The following PLEKHG2 variants were observed in gnomAD, a reference collection of about 807,000 sequenced individuals.
The protein encoded by PLEKHG2 is pleckstrin homology and RhoGEF domain containing G2.
A neutral mutation model predicts 104.4 loss-of-function variants in PLEKHG2; 71 were observed. That is an observed-to-expected ratio of 0.68 (90% CI 0.56 to 0.83). PLEKHG2 has a LOEUF of 0.83. Ranked by LOEUF, PLEKHG2 falls within the 40% of genes least tolerant of loss-of-function variation. The probability of loss-of-function intolerance (pLI) is 0.00; values close to 1 mark genes in which losing one functional copy is unlikely to be tolerated. For missense variants in PLEKHG2, 1,730 were observed against 1,809.4 expected, an observed-to-expected ratio of 0.96 and a Z score of 0.80; for synonymous variants, 728 against 737.0, an observed-to-expected ratio of 0.99 and a Z score of 0.20.
intron 14 of PLEKHG2, 35 bp from the exon 15 acceptor site, chr19:39,421,040 G>A (rs754397480): frequency 9.3e-6 from 15 of 1,613,986 alleles, no homozygotes; most frequent in Non-Finnish European, 1.3e-5. Context: ...CGGGGTGGGA[G>A]CTGGGCTCCT....
At chr19:39,417,130 T>C in intron 7 of PLEKHG2, 130 bp downstream of exon 7, 2 of 1,107,388 alleles carry the variant, frequency 1.8e-6, no homozygotes, top group South Asian at 3.3e-5. Flanking sequence ...ATTACAGGCG[T>C]GAGCCACCGC....
chr19:39,425,451 G>C lies in PLEKHG2; in HGVS notation c.*157G>C. 4.3e-6 allele frequency: 5 copies of C among 1,175,716 alleles called. No homozygotes were observed. In the South Asian group the frequency reaches 5.3e-5, roughly 12 times the overall value. The allele number at this position is 1,175,716 out of a possible 1,614,324, so 72.8% of individuals were successfully genotyped here. A position where few individuals can be genotyped will look rare whatever the true frequency, so the allele number is the denominator to read the frequency against. ...ATCGGCGAATGGCCCTTCTTGCCTT[G>C]ATCCACAGGGATGGGGAAGGGAGGA... is the stretch of plus-strand genomic sequence containing the variant. On this transcript the variant is annotated 3_prime_UTR_variant, in exon 19 of 19. Transcript: ENST00000425673.
intron 11 of PLEKHG2, among the ~76,000 whole-genome samples, chr19:39,420,001 C>T (rs193142308): frequency 7.9e-5 from 12 of 152,114 alleles, no homozygotes; most frequent in South Asian, 4.1e-4. Flanking sequence ...TGCGGTGAGC[C>T]GAGATCATGC....
rs1279807695 is a variant in PLEKHG2, at chr19:39,421,280, T to C, written c.1487-3T>C. On this transcript the variant is annotated splice_region_variant and splice_polypyrimidine_tract_variant and intron_variant, in intron 15 of 18. Transcript: ENST00000425673. ...TCTCTCTCTCTCATCTCTCCATCCT[T>C]AGCTAAGCCTGGATTCAAGGTAAGA... is the stretch of plus-strand genomic sequence containing the variant. The C allele has an allele frequency of 6.2e-7, 1 of 1,613,692 alleles. No homozygotes were observed. Among genetic ancestry groups the C allele is most frequent in the African/African-American group, 1.3e-5 (1 of 74,900 alleles).
rs576060981 is a variant in PLEKHG2 at position 39,414,128 on chromosome 19, C to T, written c.42C>T (p.Ser14=). 5 of 1,551,604 alleles carry T rather than the reference C, an allele frequency of 3.2e-6. No homozygotes were observed. The highest frequency in any genetic ancestry group is 4.4e-6 in the Non-Finnish European group (5 of 1,146,930). The change falls in exon 2 of 19, where the codon AGC becomes AGT. Residue 14 remains serine, a synonymous_variant. Transcript: ENST00000425673. The stretch of plus-strand genomic sequence containing the variant: ...AAGGACTGAGCCTCTCCAAACCTAG[C>T]CCAAGCCTCGGGTGTGGCCGAAGAG... ...GAQGLSLSKP[S]PSLGCGRRGE...
chr19:39,425,270 T>G lies in PLEKHG2; in HGVS notation c.4137T>G (p.Ala1379=), dbSNP rs777542937. Residue 1379 remains alanine (A), a synonymous_variant, in exon 19 of 19, where the codon GCT becomes GCG. Coordinates refer to ENST00000425673, the MANE Select transcript of PLEKHG2 (RefSeq NM_022835.3). The part of the protein sequence containing the change: ...ESMGLHRAQG[A]PDAPFHM The stretch of plus-strand genomic sequence containing the variant: ...TGGGCCTTCACAGGGCCCAGGGGGC[T>G]CCTGATGCCCCCTTCCACATGTGAG... The G allele has an allele frequency of 8.7e-6, 14 of 1,612,122 alleles. No homozygotes were observed. The highest frequency in any genetic ancestry group is 8.5e-7 in the Non-Finnish European group (1 of 1,179,492).
At chr19:39,417,344 G>T (rs948809592) in intron 7 of PLEKHG2, among the ~76,000 whole-genome samples, 6 of 151,818 alleles carry the variant, frequency 4.0e-5, no homozygotes, top group Non-Finnish European at 8.8e-5. Context: ...ATAGGGACGG[G>T]GTTTCACTAC....
chr19:39,418,813 G>A lies in PLEKHG2; in HGVS notation c.1163G>A (p.Arg388Lys). 2 of 1,609,804 alleles carry A rather than the reference G, an allele frequency of 1.2e-6. No homozygotes were observed. The highest frequency in any genetic ancestry group is 2.2e-5 in the South Asian group (2 of 90,942). Reference protein sequence around the residue: ...KVSDLTIPKHRHLLQAKNQEE... With the variant: ...KVSDLTIPKHKHLLQAKNQEE... ...TCTGATCTGACCATTCCCAAGCACA[G>A]ACACCTGCTCCAGGTGAGCATGTAG... Residue 388 changes from arginine to lysine, a missense_variant, in exon 10 of 19, where the codon AGA (arginine) becomes AAA (lysine). Arg to Lys is a conservative substitution (Grantham distance 26). Transcript: ENST00000425673.
Position 39,418,080 on chromosome 19 carries a change from A to C in PLEKHG2, c.1058A>C (p.Glu353Ala). 6.6e-7 allele frequency: 1 copy of C among 1,523,824 alleles called. No individual in the cohort carries two copies. Among genetic ancestry groups the C allele is most frequent in the Non-Finnish European group, 8.8e-7 (1 of 1,137,196 alleles). The allele number at this position is 1,523,824 out of a possible 1,614,324, so 94.4% of individuals were successfully genotyped here. A position where few individuals can be genotyped will look rare whatever the true frequency, so the allele number is the denominator to read the frequency against. Reference sequence around the variant, plus strand: ...CTGGTGGCCAAGCGCAGGGGGCTGGAGTACACCTACAAAGGCCACATCTTC... The same window carrying C: ...CTGGTGGCCAAGCGCAGGGGGCTGGCGTACACCTACAAAGGCCACATCTTC... ...MLLVAKRRGLEYTYKGHIFCC... is the reference protein window; with the variant it reads ...MLLVAKRRGLAYTYKGHIFCC... The change falls in exon 9 of 19, where the codon GAG becomes GCG. Residue 353 changes from glutamate (E) to alanine (A), a missense_variant. Physicochemically the swap from Glu to Ala is moderately radical, Grantham distance 107. Transcript: ENST00000425673.
Position 39,421,974 on chromosome 19 carries a change from G to A in PLEKHG2, c.1504-141G>A, listed in dbSNP as rs555013208. Reference sequence around the variant, plus strand: ...GGAGATTGCAGTGAGCAGAGATGGCGCCATTGCACTGCAGGCTGGGCGACA... The same window carrying A: ...GGAGATTGCAGTGAGCAGAGATGGCACCATTGCACTGCAGGCTGGGCGACA... On this transcript the variant is annotated intron_variant, in intron 16 of 18. Transcript: ENST00000425673. 8.4e-5 allele frequency: 68 copies of A among 808,302 alleles called. No individual in the cohort carries two copies. The African/African-American group carries it at 1.0e-3, about 12-fold the overall frequency. The allele number at this position is 808,302 out of a possible 1,614,324, so 50.1% of individuals were successfully genotyped here. A position where few individuals can be genotyped will look rare whatever the true frequency, so the allele number is the denominator to read the frequency against.
chr19:39,417,060 G>T, intron 7 of PLEKHG2, 60 bp downstream of exon 7: 1 of 1,516,512 alleles, frequency 6.6e-7, no homozygotes, highest in Non-Finnish European at 8.8e-7. Flanking sequence ...TTGACCACCT[G>T]TTGGTTCATC....
chr19:39,414,327 A>G (rs914173628), intron 2 of PLEKHG2, 132 bp downstream of exon 2: 1 of 916,594 alleles, frequency 1.1e-6, no homozygotes. Context: ...AGGCGGGCCC[A>G]TCCCCAGGCA....
chr19:39,415,575 C>A lies in PLEKHG2; in HGVS notation c.479+136C>A. ...GACATTGGGCAAGGATCAGGGATCACGACTGGGAGGGAGGACCCCGAGTGA... is the reference window on the plus strand; with the variant it reads ...GACATTGGGCAAGGATCAGGGATCAAGACTGGGAGGGAGGACCCCGAGTGA... On this transcript the variant is annotated intron_variant, in intron 4 of 18. Coordinates refer to ENST00000425673, the MANE Select transcript of PLEKHG2 (RefSeq NM_022835.3). The surrounding 1 kb of genome is among the most constrained non-coding windows in gnomAD (Gnocchi z 4.6). 2.0e-6 allele frequency: 2 copies of A among 1,008,898 alleles called. No individual in the cohort carries two copies. Among genetic ancestry groups the A allele is most frequent in the Non-Finnish European group, 2.9e-6 (2 of 688,310 alleles). 62.5% of individuals were successfully genotyped at this position (1,008,898 alleles called of 1,614,324 possible).
In PLEKHG2 at chr19:39,424,966, C is replaced by G. The variant is rs1335171353; in HGVS notation, c.3833C>G (p.Ser1278Cys). ...CTGGGCCCCAATGCAGCTGCCCTCT[C>G]CAGATACCTGGCAGCCTCATATATC... Reference protein sequence around the residue: ...QLLGPNAAALSRYLAASYISQ... With the variant: ...QLLGPNAAALCRYLAASYISQ... The change falls in exon 19 of 19, where the codon TCC (serine) becomes TGC (cysteine). Residue 1278 changes from serine (S) to cysteine (C), a missense_variant. Coordinates refer to ENST00000425673, the MANE Select transcript of PLEKHG2 (RefSeq NM_022835.3). 1.9e-6 allele frequency: 3 copies of G among 1,613,936 alleles called. No individual in the cohort carries two copies. Among genetic ancestry groups the G allele is most frequent in the Non-Finnish European group, 2.5e-6 (3 of 1,179,952 alleles).
chr19:39,422,812 G>C lies in PLEKHG2; in HGVS notation c.1758G>C (p.Leu586=), dbSNP rs1320721651. Residue 586 remains leucine (L), a synonymous_variant, in exon 18 of 19, where the codon CTG becomes CTC. Transcript: ENST00000425673. The part of the protein sequence containing the change: ...GDSETLTFQA[L]PSRDSSEEEE... Reference sequence around the variant, plus strand: ...GCGAAACCCTCACATTCCAAGCCCTGCCCAGCCGGGACTCTTCAGAAGAGG... The same window carrying C: ...GCGAAACCCTCACATTCCAAGCCCTCCCCAGCCGGGACTCTTCAGAAGAGG... 1 of 1,541,894 alleles carries C rather than the reference G, an allele frequency of 6.5e-7. No homozygotes were observed. Among genetic ancestry groups the C allele is most frequent in the Admixed American group, 2.0e-5 (1 of 49,596 alleles).
Position 39,417,001 on chromosome 19 carries a change from G to A in PLEKHG2, c.744+1G>A. On this transcript the variant is annotated splice_donor_variant, in intron 7 of 18. Transcript: ENST00000425673. LOFTEE classifies it high-confidence loss of function. ...TCTCAAGTACCATCTGCTGCTGCAG[G>A]TCAGCTGGGGCCCCTGGAGCCAGGC... The A allele has an allele frequency of 6.2e-7, 1 of 1,600,194 alleles. No homozygotes were observed. The highest frequency in any genetic ancestry group is 8.5e-7 in the Non-Finnish European group (1 of 1,171,068).
chr19:39,420,360 CAA>C (rs35833915), intron 11 of PLEKHG2, among the ~76,000 whole-genome samples: 4 of 122,426 alleles, frequency 3.3e-5, no homozygotes, highest in African/African-American at 3.0e-5. Context: ...ATCTCCGTCT[CAA>C]AAAAAAAAAA....
chr19:39,421,456 C>T (rs1361293186), intron 16 of PLEKHG2, among the ~76,000 whole-genome samples, 157 bp downstream of exon 16: 2 of 152,080 alleles, frequency 1.3e-5, no homozygotes, highest in African/African-American at 2.4e-5. Flanking sequence ...GAGGTCAAGG[C>T]AGGAGGATTG....
chr19:39,422,740 C>A lies in PLEKHG2; in HGVS notation c.1686C>A (p.Thr562=), dbSNP rs747832333. Residue 562 remains threonine, a synonymous_variant, in exon 18 of 19, where the codon ACC becomes ACA. Coordinates refer to ENST00000425673, the MANE Select transcript of PLEKHG2 (RefSeq NM_022835.3). The stretch of plus-strand genomic sequence containing the variant: ...TCCTGTGCCCACTATAGCCGTCCAC[C>A]CATGACATTCCCAAGTTCCCCGGAG... The part of the protein sequence containing the change: ...QRGLRDPGPS[T]HDIPKFPGDS... 1.3e-6 allele frequency: 2 copies of A among 1,522,148 alleles called. No individual in the cohort carries two copies. Among genetic ancestry groups the A allele is most frequent in the South Asian group, 1.3e-5 (1 of 75,004 alleles). 94.3% of individuals were successfully genotyped at this position (1,522,148 alleles called of 1,614,324 possible).
Sources: allele counts gnomAD v4.1 joint callset (sites outside exome capture counted in the v4.1 genomes callset), GRCh38; gene constraint gnomAD v4.1.1; non-coding constraint Gnocchi (gnomAD v3.1); transcripts MANE v1.5; gene names NCBI Gene and HGNC (gene_info 2026-07-23, HGNC 2026-07-21).